Variants in IREB2 observed in about 807,000 individuals in gnomAD.
IREB2 encodes the protein iron-responsive element-binding protein 2.
Under a neutral mutation model 118.8 loss-of-function variants are expected in IREB2, and 39 were observed. That is an observed-to-expected ratio of 0.33 (90% CI 0.25 to 0.43). The LOEUF (loss-of-function observed/expected upper bound fraction) is 0.43, where lower values mean the gene tolerates loss of function less well. IREB2 is among the 20% of genes least tolerant of loss of function. The pLI is 1.00. For synonymous variants in IREB2, 372 were observed against 392.2 expected (o/e 0.95, Z 0.61); for missense variants, 900 against 1,147.3 (o/e 0.78, Z 3.11).
intron 2 of IREB2, among the ~76,000 whole-genome samples, chr15:78,460,412 GT>G (rs892073074): frequency 3.9e-4 from 60 of 152,230 alleles, no homozygotes; most frequent in African/African-American, 1.3e-3. Context: ...TCAATGAAAG[GT>G]TTTTTAAGAG....
In IREB2 at chr15:78,488,770, A is replaced by C; in HGVS notation, c.2075A>C (p.Glu692Ala). 1 of 1,481,746 alleles carries C rather than the reference A, an allele frequency of 6.7e-7. No individual in the cohort carries two copies. Among genetic ancestry groups the C allele is most frequent in the Non-Finnish European group, 9.4e-7 (1 of 1,068,830 alleles). 91.8% of individuals were successfully genotyped at this position (1,481,746 alleles called of 1,614,324 possible). Residue 692 changes from glutamate to alanine, a missense_variant and splice_region_variant, in exon 16 of 22, where the codon GAA (glutamate) becomes GCA (alanine). By Grantham distance (107) the Glu-to-Ala change is moderately radical. Transcript: ENST00000258886. ...SMFKALKDKI[E>A]MGNKRWNSLE... ...TTTAAAGCATTAAAAGATAAAATAG[A>C]AGTAAGAGTCTTATGTGTTTCTTAA...
intron 7 of IREB2, among the ~76,000 whole-genome samples, chr15:78,472,540 T>A (rs577260561): frequency 1.3e-5 from 2 of 152,300 alleles, no homozygotes; most frequent in South Asian, 4.1e-4. Flanking sequence ...CTAATTTTTG[T>A]ATTTTTAGTA....
chr15:78,464,504 A>T, intron 3 of IREB2, among the ~76,000 whole-genome samples: 1 of 152,196 alleles, frequency 6.6e-6, no homozygotes, highest in Middle Eastern at 3.2e-3. Context: ...TTCTTACACC[A>T]TTTATTCAGA....
intron 2 of IREB2, among the ~76,000 whole-genome samples, chr15:78,447,179 C>CTTT (rs199780442): frequency 7.3e-6 from 1 of 137,152 alleles, no homozygotes; most frequent in Non-Finnish European, 1.6e-5. Flanking sequence ...TTCTTTCTTT[C>CTTT]TTTTTTTTTT....
chr15:78,457,223 T>C (rs575224086), intron 2 of IREB2, among the ~76,000 whole-genome samples: 51 of 152,314 alleles, frequency 3.3e-4, no homozygotes, highest in Admixed American at 3.3e-3. Context: ...ATGTAATCTA[T>C]TGGTTATTTT....
chr15:78,456,850 CTG>C (rs1241437174), intron 2 of IREB2, among the ~76,000 whole-genome samples: 1 of 152,184 alleles, frequency 6.6e-6, no homozygotes, highest in African/African-American at 2.4e-5. Flanking sequence ...ATTCTCTTGA[CTG>C]TTTCTTCAGG....
intron 2 of IREB2, among the ~76,000 whole-genome samples, chr15:78,444,152 A>G (rs2050890194): frequency 6.6e-6 from 1 of 151,474 alleles, no homozygotes; most frequent in Non-Finnish European, 1.5e-5. Flanking sequence ...TGAACTCCTG[A>G]GCTCAGGAGA....
intron 2 of IREB2, among the ~76,000 whole-genome samples, chr15:78,454,966 A>C (rs1278556565): frequency 6.6e-6 from 1 of 152,146 alleles, no homozygotes; most frequent in African/African-American, 2.4e-5. Flanking sequence ...CTGGGATTAC[A>C]GGCATGAGCC....
intron 2 of IREB2, among the ~76,000 whole-genome samples, chr15:78,448,296 C>T (rs148816245): frequency 0.017 from 2,570 of 152,174 alleles, 94 homozygotes; most frequent in African/African-American, 0.058. Context: ...AGGTGCACGC[C>T]ACCACGCCCG....
intron 5 of IREB2, among the ~76,000 whole-genome samples, chr15:78,469,767 C>T (rs754267724): frequency 6.6e-6 from 1 of 152,056 alleles, no homozygotes; most frequent in African/African-American, 2.4e-5. Flanking sequence ...ATTATCTGGA[C>T]TAATTATCTG....
intron 11 of IREB2, 131 bp from the exon 12 acceptor site, chr15:78,484,630 T>C (rs2051628884): frequency 3.2e-6 from 2 of 633,986 alleles, no homozygotes; most frequent in Non-Finnish European, 5.5e-6. Context: ...TATGGGCCTT[T>C]AGCATCACTC....
intron 5 of IREB2, among the ~76,000 whole-genome samples, chr15:78,467,699 A>G (rs1204695860): frequency 6.6e-6 from 1 of 152,196 alleles, no homozygotes; most frequent in African/African-American, 2.4e-5. Flanking sequence ...CAGAAAAAAA[A>G]AAAGTCATAC....
At chr15:78,483,036 G>T (rs2051602247) in intron 10 of IREB2, among the ~76,000 whole-genome samples, 1 of 152,098 alleles carries the variant, frequency 6.6e-6, no homozygotes, top group Non-Finnish European at 1.5e-5. Context: ...ACCGCGCCCG[G>T]CCCCAGATTT....
chr15:78,473,091 C>G (rs1028080456), intron 7 of IREB2, 151 bp from the exon 8 acceptor site: 40 of 655,578 alleles, frequency 6.1e-5, no homozygotes, highest in East Asian at 5.5e-4. Context: ...TTTTGGGAAG[C>G]CTTGGGTTCA....
intron 10 of IREB2, among the ~76,000 whole-genome samples, chr15:78,478,719 T>G (rs530600139): frequency 6.6e-6 from 1 of 151,872 alleles, no homozygotes; most frequent in Non-Finnish European, 1.5e-5. Flanking sequence ...AGGAAAAAAA[T>G]AATAATAATA....
In IREB2 at chr15:78,458,938, A is replaced by G. The variant is rs373170972; in HGVS notation, c.107-3984A>G. Among the ~76,000 whole-genome samples the G allele has an allele frequency of 2.6e-5, 4 of 152,160 alleles. No individual in the cohort carries two copies. In the East Asian group the frequency reaches 7.8e-4, roughly 30 times the overall value. ...CTCAGCCTCCCAAGGAGCTGGAGCC[A>G]CACTCTCACACCAGGATACCTGGCT... On this transcript the variant is annotated intron_variant, in intron 2 of 21. Transcript: ENST00000258886.
At chr15:78,459,328 TTTTG>T (rs768654894) in intron 2 of IREB2, among the ~76,000 whole-genome samples, 6 of 145,198 alleles carry the variant, frequency 4.1e-5, no homozygotes, top group Admixed American at 1.4e-4. Context: ...TAATTGGGTT[TTTTG>T]TTTGTTTGTT....
intron 2 of IREB2, among the ~76,000 whole-genome samples, chr15:78,453,965 A>G (rs1426823427): frequency 5.9e-5 from 9 of 152,226 alleles, no homozygotes; most frequent in Admixed American, 5.2e-4. Context: ...CCTCCTCAAC[A>G]TAAAACTTAA....
At chr15:78,492,439 G>T (rs1446112710) in intron 18 of IREB2, among the ~76,000 whole-genome samples, 1 of 152,056 alleles carries the variant, frequency 6.6e-6, no homozygotes, top group Non-Finnish European at 1.5e-5. Flanking sequence ...TCTGTCTAAA[G>T]GTCTCAGGGT....
Sources: gnomAD v4.1 joint callset for allele counts (sites outside exome capture counted in the v4.1 genomes callset) on GRCh38, gnomAD v4.1.1 for gene constraint, MANE v1.5 for transcripts, NCBI Gene and HGNC (gene_info 2026-07-23, HGNC 2026-07-21) for gene names.